TLK1: variants seen among roughly 807,000 people sequenced by gnomAD.
The protein encoded by TLK1 is tousled like kinase 1, also known as serine/threonine-protein kinase tousled-like 1.
Under a neutral mutation model 105.3 loss-of-function variants are expected in TLK1, and 24 were observed. The ratio of observed to expected loss-of-function variants is 0.23; its 90% CI spans 0.17 to 0.32. The LOEUF is 0.32. TLK1 is among the 10% of genes least tolerant of loss of function. TLK1 has a pLI of 1.00. For synonymous variants in TLK1, 321 were observed against 310.4 expected (o/e 1.03, Z -0.36); for missense variants, 558 against 910.5 (o/e 0.61, Z 4.98).
chr2:171,122,887 A>C (rs1442209637), intron 1 of TLK1, among the ~76,000 whole-genome samples: 1 of 151,886 alleles, frequency 6.6e-6, no homozygotes, highest in Non-Finnish European at 1.5e-5. Flanking sequence ...AAAAACACAA[A>C]AATTAGCCAG....
chr2:171,105,487 A>T lies in TLK1; in HGVS notation c.258+12252T>A, dbSNP rs371254605. 6.9e-4 allele frequency among the ~76,000 whole-genome samples: 105 copies of T among 152,324 alleles called. 1 individual carries two copies. The South Asian group carries it at 0.018, about 27-fold the overall frequency. On this transcript the variant is annotated intron_variant, in intron 2 of 20. Coordinates refer to ENST00000431350, the MANE Select transcript of TLK1 (RefSeq NM_012290.5). ...GATCACTTGAGGTCAGGAGTTTGAGACCAGCCTGGCCAACATGGTGAAACG... is the reference window on the plus strand; with the variant it reads ...GATCACTTGAGGTCAGGAGTTTGAGTCCAGCCTGGCCAACATGGTGAAACG...
chr2:171,037,053 T>C lies in TLK1; in HGVS notation c.1170-8648A>G, dbSNP rs79345340. Among the ~76,000 whole-genome samples the C allele has an allele frequency of 6.9e-4, 105 of 152,260 alleles. 2 individuals carry two copies. In the East Asian group the frequency reaches 0.017, roughly 25 times the overall value. On this transcript the variant is annotated intron_variant, in intron 11 of 20. Coordinates refer to ENST00000431350, the MANE Select transcript of TLK1 (RefSeq NM_012290.5). ...GCAAAGAAAAAAAATACATTCTATC[T>C]GCAGGAAACTAGTCAAAGTCACAGA...
At chr2:171,220,455 G>A (rs544881879) in intron 1 of TLK1, among the ~76,000 whole-genome samples, 2 of 152,308 alleles carry the variant, frequency 1.3e-5, no homozygotes, top group African/African-American at 2.4e-5. Context: ...AGGATGTTAC[G>A]GTTTCTGCCT....
intron 18 of TLK1, among the ~76,000 whole-genome samples, chr2:171,005,072 A>C (rs1684583809): frequency 6.6e-6 from 1 of 152,246 alleles, no homozygotes; most frequent in Admixed American, 6.5e-5. Context: ...CTGTTCTGGA[A>C]AACCTGAAGT....
At chr2:171,037,706 C>T (rs1301153683) in intron 11 of TLK1, among the ~76,000 whole-genome samples, 1 of 152,048 alleles carries the variant, frequency 6.6e-6, no homozygotes, top group Non-Finnish European at 1.5e-5. Flanking sequence ...CCAACATAAA[C>T]CCAACTTGGT....
intron 1 of TLK1, among the ~76,000 whole-genome samples, chr2:171,121,369 A>C (rs1575609809): frequency 6.6e-6 from 1 of 152,222 alleles, no homozygotes; most frequent in Middle Eastern, 3.4e-3. Context: ...CTGTCTCTAC[A>C]AAAAATACAA....
chr2:171,025,403 G>GAAAGTT (rs1218617215), intron 12 of TLK1, among the ~76,000 whole-genome samples: 1 of 152,180 alleles, frequency 6.6e-6, no homozygotes, highest in Non-Finnish European at 1.5e-5. Flanking sequence ...TCAGTGCTAA[G>GAAAGTT]AAAGTTAGTC....
intron 8 of TLK1, among the ~76,000 whole-genome samples, chr2:171,053,139 G>A (rs952422597): frequency 6.6e-6 from 1 of 152,128 alleles, no homozygotes; most frequent in African/African-American, 2.4e-5. Flanking sequence ...TTACTTCATC[G>A]TATAGGTATC....
At chr2:171,213,103 A>AT (rs1224216808) in intron 1 of TLK1, among the ~76,000 whole-genome samples, 2 of 151,874 alleles carry the variant, frequency 1.3e-5, no homozygotes, top group African/African-American at 4.8e-5. Flanking sequence ...TAGAAAAAAT[A>AT]TTTTTATCTC....
chr2:171,220,006 T>A (rs1036606497), intron 1 of TLK1, among the ~76,000 whole-genome samples: 2 of 152,048 alleles, frequency 1.3e-5, no homozygotes, highest in African/African-American at 4.8e-5. Context: ...GCTTTGGGGG[T>A]TAGGGTTTCA....
In TLK1 at chr2:170,993,690, A is replaced by AAAT; in HGVS notation, c.*89_*90insATT. ...GTGTAAAAAAAAAAAAAAAAAAAAA[A>AAAT]GAAAAAGAAAACAAACACTCAAATG... On this transcript the variant is annotated 3_prime_UTR_variant, in exon 21 of 21. Transcript: ENST00000431350. The AAAT allele has an allele frequency of 5.3e-6, 5 of 940,760 alleles. No individual in the cohort carries two copies. The highest frequency in any genetic ancestry group is 3.4e-5 in the Admixed American group (1 of 29,638). 58.3% of individuals were successfully genotyped at this position (940,760 alleles called of 1,614,324 possible).
intron 18 of TLK1, among the ~76,000 whole-genome samples, chr2:171,001,347 G>T (rs555412792): frequency 5.3e-5 from 8 of 152,114 alleles, no homozygotes. Context: ...GGACTCATGG[G>T]CTCCTAGGTG....
chr2:171,027,485 A>G (rs1199642104), intron 12 of TLK1, among the ~76,000 whole-genome samples: 1 of 152,242 alleles, frequency 6.6e-6, no homozygotes, highest in Non-Finnish European at 1.5e-5. Context: ...ACATTATTTA[A>G]AAGTTTACGA....
intron 1 of TLK1, among the ~76,000 whole-genome samples, chr2:171,201,072 G>A (rs1045375514): frequency 6.6e-6 from 1 of 151,762 alleles, no homozygotes; most frequent in Non-Finnish European, 1.5e-5. Context: ...TTAGTAGAGA[G>A]GGGGTTTTAC....
chr2:171,122,023 T>G (rs1055984465), intron 1 of TLK1, among the ~76,000 whole-genome samples: 12 of 152,344 alleles, frequency 7.9e-5, no homozygotes, highest in Admixed American at 3.9e-4. Flanking sequence ...CTTGGCTCAC[T>G]GCAACCTCCA....
chr2:171,183,577 A>G (rs1692967215), intron 1 of TLK1, among the ~76,000 whole-genome samples: 1 of 152,040 alleles, frequency 6.6e-6, no homozygotes, highest in Non-Finnish European at 1.5e-5. Flanking sequence ...TTATATATGT[A>G]TATGTTGCAA....
At chr2:171,158,852 T>C (rs779218087) in intron 1 of TLK1, among the ~76,000 whole-genome samples, 2 of 152,218 alleles carry the variant, frequency 1.3e-5, no homozygotes, top group East Asian at 1.9e-4. Flanking sequence ...ATTCTAACAA[T>C]GAAAGCTCAG....
At chr2:171,069,968 C>A (rs1014613181) in intron 3 of TLK1, among the ~76,000 whole-genome samples, 1 of 152,134 alleles carries the variant, frequency 6.6e-6, no homozygotes, top group Non-Finnish European at 1.5e-5. Context: ...TGATTGTATA[C>A]TAGGAAATGC....
rs556203593 is a variant in TLK1, at chr2:171,077,358, G to A, written c.330+5423C>T. Reference sequence around the variant, plus strand: ...TATTTCTCTTTTCCCTCTCTCTTCAGCACTTTGTCTCCATCACAGCTCTGC... The same window carrying A: ...TATTTCTCTTTTCCCTCTCTCTTCAACACTTTGTCTCCATCACAGCTCTGC... On this transcript the variant is annotated intron_variant, in intron 3 of 20. Transcript: ENST00000431350. Among the ~76,000 whole-genome samples, 4 of 152,184 alleles carry A rather than the reference G, an allele frequency of 2.6e-5. No homozygotes were observed. The South Asian group carries it at 8.3e-4, about 32-fold the overall frequency.
Sources: allele counts gnomAD v4.1 joint callset (sites outside exome capture counted in the v4.1 genomes callset), GRCh38; gene constraint gnomAD v4.1.1; transcripts MANE v1.5; gene names NCBI Gene and HGNC (gene_info 2026-07-23, HGNC 2026-07-21).